The following KCNK6 variants were observed in gnomAD, a reference collection of about 807,000 sequenced individuals.
KCNK6 encodes the protein potassium channel subfamily K member 6.
Under a neutral mutation model 21.9 loss-of-function variants are expected in KCNK6, and 20 were observed. That is an observed-to-expected ratio of 0.91 (90% CI 0.64 to 1.32). KCNK6 has a LOEUF of 1.32. Among genes scored for constraint, KCNK6 ranks in the 40% most tolerant of loss-of-function variants. KCNK6 has a pLI of 0.00. For synonymous variants in KCNK6, 210 were observed against 218.0 expected (o/e 0.96, Z 0.32); for missense variants, 415 against 433.1 (o/e 0.96, Z 0.37).
In KCNK6 at chr19:38,320,171, G is replaced by C. The variant is rs1423979517; in HGVS notation, c.221G>C (p.Arg74Pro). 1 of 1,598,982 alleles carries C rather than the reference G, an allele frequency of 6.3e-7. No individual in the cohort carries two copies. The highest frequency in any genetic ancestry group is 1.1e-5 in the South Asian group (1 of 90,948). Residue 74 changes from arginine (R) to proline (P), a missense_variant, in exon 1 of 3, where the codon CGG (arginine) becomes CCG (proline). Arg to Pro is a moderately radical substitution (Grantham distance 103). Coordinates refer to ENST00000263372, the MANE Select transcript of KCNK6 (RefSeq NM_004823.3). ...ERVLAAGRLG[R>P]VVLANASGSA... The stretch of plus-strand genomic sequence containing the variant: ...GTGCTGGCGGCCGGACGGCTGGGGC[G>C]GGTCGTGCTTGCTAACGCTTCGGGG...
At chr19:38,321,093 C>A (rs908481297) in intron 1 of KCNK6, among the ~76,000 whole-genome samples, 1 of 152,160 alleles carries the variant, frequency 6.6e-6, no homozygotes, top group Non-Finnish European at 1.5e-5. Context: ...TTCTGGGAAA[C>A]CCCCCTGGAG....
At chr19:38,323,242 A>T (rs1294911884) in intron 1 of KCNK6, among the ~76,000 whole-genome samples, 1 of 152,234 alleles carries the variant, frequency 6.6e-6, no homozygotes, top group Non-Finnish European at 1.5e-5. Context: ...GCGGTCAAGG[A>T]GGGAGTCTTT....
rs1969754387 is a variant in KCNK6 at position 38,330,005 on chromosome 19, G to A, written c.*2602G>A. 1 of 152,326 alleles carries A rather than the reference G, an allele frequency of 6.6e-6. No individual in the cohort carries two copies. The highest frequency in any genetic ancestry group is 6.5e-5 in the Admixed American group (1 of 15,274). The allele number at this position is 152,326 out of a possible 1,614,324, so 9.4% of individuals were successfully genotyped here. A position where few individuals can be genotyped will look rare whatever the true frequency, so the allele number is the denominator to read the frequency against. On this transcript the variant is annotated 3_prime_UTR_variant, in exon 3 of 3. Transcript: ENST00000263372. ...GGCTGCTTTAGAATATGGTGGGTGT[G>A]TGGGGCAAAAGGGACACCCAGGGGT...
In KCNK6 at chr19:38,327,336, C is replaced by G; in HGVS notation, c.875C>G (p.Pro292Arg). The G allele has an allele frequency of 6.2e-7, 1 of 1,613,052 alleles. No individual in the cohort carries two copies. The highest frequency in any genetic ancestry group is 2.2e-5 in the East Asian group (1 of 44,882). The change falls in exon 3 of 3, where the codon CCC becomes CGC. Residue 292 changes from proline to arginine, a missense_variant. Coordinates refer to ENST00000263372, the MANE Select transcript of KCNK6 (RefSeq NM_004823.3). ...DEDDRVDILG[P>R]QPESHQQLSA... ...GACGATCGGGTGGACATCCTGGGCC[C>G]CCAGCCGGAGTCGCACCAGCAACTC...
intron 1 of KCNK6, among the ~76,000 whole-genome samples, 175 bp downstream of exon 1, chr19:38,320,447 C>T (rs1445280401): frequency 2.6e-5 from 4 of 152,306 alleles, no homozygotes; most frequent in African/African-American, 9.6e-5. Context: ...ATCTGCTCTG[C>T]TCGGGGAGCC....
Position 38,326,626 on chromosome 19 carries a change from G to A in KCNK6, c.356G>A (p.Gly119Asp), listed in dbSNP as rs1376082194. 2.5e-6 allele frequency: 4 copies of A among 1,611,274 alleles called. No individual in the cohort carries two copies. Among genetic ancestry groups the A allele is most frequent in the Non-Finnish European group, 3.4e-6 (4 of 1,179,812 alleles). Residue 119 changes from glycine to aspartate, a missense_variant, in exon 2 of 3, where the codon GGC becomes GAC. By Grantham distance (94) the Gly-to-Asp change is moderately conservative (BLOSUM62 -1). Transcript: ENST00000263372. ...TACACAACGCCACTGACTGATGCGG[G>A]CAAGGCCTTCTCCATCGCCTTTGCG... The part of the protein sequence containing the change: ...YGYTTPLTDA[G>D]KAFSIAFALL...
Position 38,327,524 on chromosome 19 carries a change from C to T in KCNK6, c.*121C>T. The T allele has an allele frequency of 1.2e-6, 1 of 856,774 alleles. No homozygotes were observed. Among genetic ancestry groups the T allele is most frequent in the South Asian group, 1.7e-5 (1 of 59,478 alleles). The allele number at this position is 856,774 out of a possible 1,614,324, so 53.1% of individuals were successfully genotyped here. On this transcript the variant is annotated 3_prime_UTR_variant, in exon 3 of 3. Coordinates refer to ENST00000263372, the MANE Select transcript of KCNK6 (RefSeq NM_004823.3). ...CAGGTGATCTTGAGGCCTTGCCGTC[C>T]ACCGTCTCTCCTTTGTTTCCCAGCA...
rs758427071 is a variant in KCNK6, at chr19:38,328,874, G to GAAAGAAAGAA, written c.*1472_*1473insAAGAAAGAAA. 1 of 104,480 alleles carries GAAAGAAAGAA rather than the reference G, an allele frequency of 9.6e-6. No homozygotes were observed. The highest frequency in any genetic ancestry group is 2.2e-5 in the Non-Finnish European group (1 of 45,222). The allele number at this position is 104,480 out of a possible 1,614,324, so 6.5% of individuals were successfully genotyped here. On this transcript the variant is annotated 3_prime_UTR_variant, in exon 3 of 3. Coordinates refer to ENST00000263372, the MANE Select transcript of KCNK6 (RefSeq NM_004823.3). ...AGAAAGAGAGAAAGAAAGAAAGAAAGAGAGAGAAAGAAAGAAAGAAAGAAA... is the reference window on the plus strand; with the variant it reads ...AGAAAGAGAGAAAGAAAGAAAGAAAGAAAGAAAGAAAGAGAGAAAGAAAGAAAGAAAGAAA...
rs1969767608 is a variant in KCNK6, at chr19:38,331,475, A to T, written c.*4072A>T. On this transcript the variant is annotated 3_prime_UTR_variant, in exon 3 of 3. Coordinates refer to ENST00000263372, the MANE Select transcript of KCNK6 (RefSeq NM_004823.3). ...CCGTCTCTACTAAAAATACAAAAAA[A>T]TTAGCTGGGTGCGGTGGCACGCACC... 1 of 151,982 alleles carries T rather than the reference A, an allele frequency of 6.6e-6. No homozygotes were observed. The highest frequency in any genetic ancestry group is 1.5e-5 in the Non-Finnish European group (1 of 68,018). The allele number at this position is 151,982 out of a possible 1,614,324, so 9.4% of individuals were successfully genotyped here.
At chr19:38,321,190 C>T (rs992961866) in intron 1 of KCNK6, among the ~76,000 whole-genome samples, 1 of 152,194 alleles carries the variant, frequency 6.6e-6, no homozygotes, top group Non-Finnish European at 1.5e-5. Flanking sequence ...CACTAAAGAC[C>T]TCCCTCCCAA....
chr19:38,322,200 C>T (rs1363811791), intron 1 of KCNK6, among the ~76,000 whole-genome samples: 1 of 152,168 alleles, frequency 6.6e-6, no homozygotes, highest in African/African-American at 2.4e-5. Flanking sequence ...CCATCAGGCT[C>T]TAGAGTCCCA....
intron 1 of KCNK6, among the ~76,000 whole-genome samples, chr19:38,324,612 C>T (rs1012830192): frequency 2.6e-5 from 4 of 152,132 alleles, no homozygotes; most frequent in Non-Finnish European, 4.4e-5. Context: ...CTGGAAGTTG[C>T]CTGACTCTTT....
rs35331715 is a variant in KCNK6 at position 38,326,937 on chromosome 19, G to T, written c.667G>T (p.Gly223Trp). The change falls in exon 2 of 3, where the codon GGG becomes TGG. Residue 223 changes from glycine (G) to tryptophan (W), a missense_variant. Gly to Trp is a radical substitution (Grantham distance 184, BLOSUM62 -2). Transcript: ENST00000263372. The part of the protein sequence containing the change: ...STIGLGDYVP[G>W]EAPGQPYRAL... ...CATCGGCCTGGGCGACTACGTGCCCGGGGAGGCCCCTGGCCAGCCCTACCG... is the reference window on the plus strand; with the variant it reads ...CATCGGCCTGGGCGACTACGTGCCCTGGGAGGCCCCTGGCCAGCCCTACCG... 3 of 1,608,806 alleles carry T rather than the reference G, an allele frequency of 1.9e-6. No homozygotes were observed. The highest frequency in any genetic ancestry group is 2.5e-6 in the Non-Finnish European group (3 of 1,179,936).
In KCNK6 at chr19:38,328,761, C is replaced by T. The variant is rs1313318943; in HGVS notation, c.*1358C>T. On this transcript the variant is annotated 3_prime_UTR_variant, in exon 3 of 3. Transcript: ENST00000263372. ...ACTTCAGAGGCTGAGGTGGAAGGAT[C>T]ACTTGAGGCCAGGAGTTTGAGGCTG... is the stretch of plus-strand genomic sequence containing the variant. The T allele has an allele frequency of 6.6e-6, 1 of 151,912 alleles. No individual in the cohort carries two copies. Among genetic ancestry groups the T allele is most frequent in the African/African-American group, 2.4e-5 (1 of 41,352 alleles). 9.4% of individuals were successfully genotyped at this position (151,912 alleles called of 1,614,324 possible).
Position 38,331,856 on chromosome 19 carries a change from G to A in KCNK6, c.*4453G>A, listed in dbSNP as rs574803476. 3.9e-5 allele frequency: 6 copies of A among 152,286 alleles called. No individual in the cohort carries two copies. The East Asian group carries it at 9.6e-4, about 24-fold the overall frequency. 9.4% of individuals were successfully genotyped at this position (152,286 alleles called of 1,614,324 possible). ...GGTTGTTATGATTACAGACTCTGGA[G>A]GCAAAGTTCCTGGGTATAAATCTGA... On this transcript the variant is annotated 3_prime_UTR_variant, in exon 3 of 3. Transcript: ENST00000263372.
chr19:38,327,118 T>C, intron 2 of KCNK6, 62 bp from the exon 3 acceptor site: 2 of 1,589,214 alleles, frequency 1.3e-6, no homozygotes, highest in Admixed American at 1.7e-5. Flanking sequence ...CCAGTAGAAC[T>C]GCGGCCCCGC....
chr19:38,320,183 C>G lies in KCNK6; in HGVS notation c.233C>G (p.Ala78Gly), dbSNP rs768393060. 7.5e-6 allele frequency: 12 copies of G among 1,600,550 alleles called. No individual in the cohort carries two copies. Among genetic ancestry groups the G allele is most frequent in the Middle Eastern group, 3.3e-4 (2 of 6,010 alleles). The change falls in exon 1 of 3, where the codon GCT (alanine) becomes GGT (glycine). Residue 78 changes from alanine to glycine, a missense_variant. Coordinates refer to ENST00000263372, the MANE Select transcript of KCNK6 (RefSeq NM_004823.3). The part of the protein sequence containing the change: ...AAGRLGRVVL[A>G]NASGSANASD... The stretch of plus-strand genomic sequence containing the variant: ...GGACGGCTGGGGCGGGTCGTGCTTG[C>G]TAACGCTTCGGGGTCCGCCAACGCC...
intron 1 of KCNK6, among the ~76,000 whole-genome samples, chr19:38,324,040 G>A (rs1031721570): frequency 2.0e-5 from 3 of 152,092 alleles, no homozygotes; most frequent in African/African-American, 7.2e-5. Flanking sequence ...GAGGCTCACA[G>A]GCCCCATGCT....
rs34989303 is a variant in KCNK6, at chr19:38,327,236, G to A, written c.775G>A (p.Val259Met). ...MVLVLQTFRH[V>M]SDLHGLTELI... ...GCTGGTGCTGCAGACCTTCCGCCACGTGTCCGACCTCCACGGCCTCACGGA... is the reference window on the plus strand; with the variant it reads ...GCTGGTGCTGCAGACCTTCCGCCACATGTCCGACCTCCACGGCCTCACGGA... Residue 259 changes from valine to methionine, a missense_variant, in exon 3 of 3, where the codon GTG becomes ATG. Physicochemically the swap from Val to Met is conservative, Grantham distance 21. Coordinates refer to ENST00000263372, the MANE Select transcript of KCNK6 (RefSeq NM_004823.3). 252,377 of 1,613,272 alleles carry A rather than the reference G, an allele frequency of 0.16. 20,962 individuals are homozygous for A. The highest frequency in any genetic ancestry group is 0.23 in the Admixed American group (14,089 of 59,998).
Sources: allele counts gnomAD v4.1 joint callset (sites outside exome capture counted in the v4.1 genomes callset), GRCh38; gene constraint gnomAD v4.1.1; transcripts MANE v1.5; gene names NCBI Gene and HGNC (gene_info 2026-07-23, HGNC 2026-07-21).